DIP2C: variants seen among roughly 807,000 people sequenced by gnomAD.
The protein encoded by DIP2C is disco-interacting protein 2 homolog C.
In DIP2C, 33 loss-of-function variants were observed where a neutral mutation model predicts 192.4. That is an observed-to-expected ratio of 0.17 (90% CI 0.13 to 0.23). The LOEUF (loss-of-function observed/expected upper bound fraction) is 0.23. Among genes scored for constraint, DIP2C ranks in the 10% least tolerant of loss-of-function variants. The probability of loss-of-function intolerance (pLI) is 1.00; values close to 1 mark genes in which losing one functional copy is unlikely to be tolerated. For missense variants in DIP2C, 1,537 were observed against 2,110.1 expected, an observed-to-expected ratio of 0.73 and a Z score of 5.32; for synonymous variants, 979 against 864.1, an observed-to-expected ratio of 1.13 and a Z score of -2.33.
intron 13 of DIP2C, among the ~76,000 whole-genome samples, chr10:389,624 G>T (rs1309219732): frequency 1.3e-5 from 2 of 152,216 alleles, no homozygotes; most frequent in African/African-American, 4.8e-5. Context: ...TGGCTGTGTG[G>T]AGAGCGCACC....
intron 23 of DIP2C, among the ~76,000 whole-genome samples, chr10:357,038 T>TC (rs1959114419): frequency 6.6e-6 from 1 of 152,220 alleles, no homozygotes. Context: ...ACTGAGCTGG[T>TC]CCACAGTAAA....
At chr10:320,459 G>A (rs913017739) in intron 31 of DIP2C, among the ~76,000 whole-genome samples, 2 of 147,094 alleles carry the variant, frequency 1.4e-5, no homozygotes, top group African/African-American at 2.5e-5. Context: ...AGTGAGCCGA[G>A]ATCATGCCAT....
intron 3 of DIP2C, among the ~76,000 whole-genome samples, chr10:464,996 C>CA (rs1434447579): frequency 2.1e-4 from 32 of 150,944 alleles, no homozygotes; most frequent in Admixed American, 1.3e-3. Flanking sequence ...CAAACTATTC[C>CA]AATCAATAGA....
intron 2 of DIP2C, among the ~76,000 whole-genome samples, chr10:484,342 T>TAC (rs923940867): frequency 6.6e-6 from 1 of 152,248 alleles, no homozygotes. Flanking sequence ...CAAAAACCCT[T>TAC]ACTTTGCTCT....
At chr10:373,946 G>GC (rs1564630224) in intron 17 of DIP2C, among the ~76,000 whole-genome samples, 1 of 152,068 alleles carries the variant, frequency 6.6e-6, no homozygotes, top group East Asian at 1.9e-4. Flanking sequence ...ACTCGCAATA[G>GC]CCCCCCGGAT....
intron 1 of DIP2C, among the ~76,000 whole-genome samples, chr10:514,565 C>G (rs1846230941): frequency 6.6e-6 from 1 of 152,214 alleles, no homozygotes; most frequent in Non-Finnish European, 1.5e-5. Flanking sequence ...CCCTGCAGAC[C>G]AGACCTCACT....
chr10:387,992 A>C (rs1253101970), intron 13 of DIP2C, among the ~76,000 whole-genome samples, 183 bp from the exon 14 acceptor site: 1 of 152,192 alleles, frequency 6.6e-6, no homozygotes, highest in Admixed American at 6.5e-5. Flanking sequence ...GCCACCCTGG[A>C]GTTTCTCGAC....
chr10:416,758 G>A (rs1965664448), intron 6 of DIP2C, among the ~76,000 whole-genome samples: 1 of 152,164 alleles, frequency 6.6e-6, no homozygotes, highest in South Asian at 2.1e-4. Flanking sequence ...GCCACAACTA[G>A]ATCAAAAGCG....
intron 7 of DIP2C, among the ~76,000 whole-genome samples, chr10:414,739 G>GTGTGTCTATATATA: frequency 1.1e-5 from 1 of 90,510 alleles, no homozygotes; most frequent in Non-Finnish European, 2.1e-5. Context: ...GTGTGTGTGT[G>GTGTGTCTATATATA]TACATATATA....
At chr10:311,139 C>A (rs980971997) in intron 31 of DIP2C, among the ~76,000 whole-genome samples, 1 of 152,132 alleles carries the variant, frequency 6.6e-6, no homozygotes, top group Non-Finnish European at 1.5e-5. Context: ...AGCCTCCCGG[C>A]GGACGCTCCC....
At chr10:639,701 T>C (rs190883778) in intron 1 of DIP2C, among the ~76,000 whole-genome samples, 8 of 152,358 alleles carry the variant, frequency 5.3e-5, no homozygotes, top group Non-Finnish European at 1.0e-4. Context: ...TTTAGAGCAG[T>C]CTTTCATGTC....
At chr10:650,626 C>T (rs548547445) in intron 1 of DIP2C, among the ~76,000 whole-genome samples, 120 of 152,292 alleles carry the variant, frequency 7.9e-4, no homozygotes, top group African/African-American at 2.6e-3. Context: ...TTCCACCTGC[C>T]GAGGGCCGGA....
At chr10:417,690 C>CACTG (rs1965772393) in intron 6 of DIP2C, among the ~76,000 whole-genome samples, 1 of 130,046 alleles carries the variant, frequency 7.7e-6, no homozygotes, top group African/African-American at 3.0e-5. Context: ...GCCTCCCTGT[C>CACTG]CGCCTGTGCC....
intron 1 of DIP2C, among the ~76,000 whole-genome samples, chr10:610,580 AAAAC>A (rs1380849891): frequency 4.1e-4 from 62 of 152,384 alleles, no homozygotes; most frequent in African/African-American, 1.3e-3. Context: ...TGTATCAACA[AAAAC>A]AAAAATAAAC....
At chr10:672,441 G>C (rs777108548) in intron 1 of DIP2C, among the ~76,000 whole-genome samples, 7 of 152,254 alleles carry the variant, frequency 4.6e-5, no homozygotes, top group Non-Finnish European at 8.8e-5. Flanking sequence ...GAGCACCCAG[G>C]ATGGCTGTGG....
Position 349,699 on chromosome 10 carries a change from A to G in DIP2C, c.2986-245T>C, listed in dbSNP as rs571711674. ...TAGGTAAGCAGTGCAGACCAAAGAA[A>G]CATCTAGATATATTTAGAGTAACAA... On this transcript the variant is annotated intron_variant, in intron 24 of 36. Coordinates refer to ENST00000280886, the MANE Select transcript of DIP2C (RefSeq NM_014974.3). Among the ~76,000 whole-genome samples, 121 of 152,356 alleles carry G rather than the reference A, an allele frequency of 7.9e-4. 3 individuals are homozygous for G. The South Asian group carries it at 0.024, about 30-fold the overall frequency.
rs533554721 is a variant in DIP2C, at chr10:342,342, T to G, written c.3454-1013A>C. On this transcript the variant is annotated intron_variant, in intron 28 of 36. Coordinates refer to ENST00000280886, the MANE Select transcript of DIP2C (RefSeq NM_014974.3). Reference sequence around the variant, plus strand: ...CCCGGCTAATTTTTTGTATTTTTAGTAGAGACAGGGTTTCCCCATGTTAGG... The same window carrying G: ...CCCGGCTAATTTTTTGTATTTTTAGGAGAGACAGGGTTTCCCCATGTTAGG... Among the ~76,000 whole-genome samples the G allele has an allele frequency of 3.9e-5, 6 of 152,230 alleles. No individual in the cohort carries two copies. The East Asian group carries it at 1.2e-3, about 29-fold the overall frequency.
At chr10:446,516 TGTGTCTTCGGTAAATCAA>T (rs1275125015) in intron 3 of DIP2C, among the ~76,000 whole-genome samples, 6 of 152,228 alleles carry the variant, frequency 3.9e-5, no homozygotes, top group African/African-American at 1.4e-4. Context: ...AATAAGGCCC[TGTGTCTTCGGTAAATCAA>T]GTGTCTCATG....
At chr10:684,899 G>A (rs932041354) in intron 1 of DIP2C, among the ~76,000 whole-genome samples, 14 of 152,062 alleles carry the variant, frequency 9.2e-5, no homozygotes, top group African/African-American at 2.9e-4. Context: ...TTGGGAGGCT[G>A]AGGCAGGGGG....
Sources: allele counts gnomAD v4.1 joint callset (sites outside exome capture counted in the v4.1 genomes callset), GRCh38; gene constraint gnomAD v4.1.1; transcripts MANE v1.5; gene names NCBI Gene and HGNC (gene_info 2026-07-23, HGNC 2026-07-21).